TLE2: variants seen among roughly 807,000 people sequenced by gnomAD.
TLE2 encodes the protein transducin-like enhancer protein 2.
A neutral mutation model predicts 97.2 loss-of-function variants in TLE2; 74 were observed. The ratio of observed to expected loss-of-function variants is 0.76; its 90% CI spans 0.63 to 0.92. The LOEUF is 0.92. Ranked by LOEUF, TLE2 falls within the 40% of genes least tolerant of loss-of-function variation. TLE2 has a pLI of 0.00. For missense variants in TLE2, 1,038 were observed against 1,008.7 expected (o/e 1.03, Z -0.39); for synonymous variants, 499 against 432.1 (o/e 1.15, Z -1.92).
intron 13 of TLE2, 131 bp from the exon 14 acceptor site, chr19:3,009,076 G>T: frequency 1.6e-6 from 1 of 636,144 alleles, no homozygotes; most frequent in Non-Finnish European, 2.6e-6. Flanking sequence ...CCTTCTCTCT[G>T]CCTGTCACAC....
chr19:3,005,298 G>C (rs891648972), intron 17 of TLE2, 139 bp downstream of exon 17: 1 of 1,198,124 alleles, frequency 8.3e-7, no homozygotes, highest in Non-Finnish European at 1.1e-6. Context: ...GGATGTGTCT[G>C]GGGGACAAGA....
intron 7 of TLE2, among the ~76,000 whole-genome samples, chr19:3,018,313 T>TTTA (rs1191600593): frequency 1.3e-5 from 2 of 151,742 alleles, no homozygotes; most frequent in Non-Finnish European, 2.9e-5. Context: ...TATTTATTTA[T>TTTA]TTATTTATGA....
At chr19:3,040,993 A>ATATATATATATATATATATATG (rs2090096234) in intron 1 of TLE2, among the ~76,000 whole-genome samples, 1 of 17,014 alleles carries the variant, frequency 5.9e-5, no homozygotes. Flanking sequence ...GCTGCCATTT[A>ATATATATATATATATATATATG]TATATATATA....
At chr19:3,039,271 C>T (rs997577139) in intron 1 of TLE2, among the ~76,000 whole-genome samples, 3 of 151,514 alleles carry the variant, frequency 2.0e-5, no homozygotes, top group African/African-American at 7.3e-5. Flanking sequence ...CCCTCCCTTG[C>T]TCAAGAACCT....
chr19:3,005,772 C>G lies in TLE2; in HGVS notation c.1697G>C (p.Cys566Ser), dbSNP rs367600241. The change falls in exon 16 of 20, where the codon TGC (cysteine) becomes TCC (serine). Residue 566 changes from cysteine to serine, a missense_variant. Cys to Ser is a moderately radical substitution (Grantham distance 112). Transcript: ENST00000262953. ...CCAGACCACAATGTTGCCATCGCTG[C>G]AGCAGGAGAAGCAAACCTTGGCGTC... Reference protein sequence around the residue: ...SPDAKVCFSCCSDGNIVVWDL... With the variant: ...SPDAKVCFSCSSDGNIVVWDL... 6.8e-6 allele frequency: 11 copies of G among 1,613,850 alleles called. No individual in the cohort carries two copies. The African/African-American group carries it at 1.2e-4, about 18-fold the overall frequency.
intron 17 of TLE2, 134 bp from the exon 18 acceptor site, chr19:3,002,637 C>A: frequency 9.7e-7 from 1 of 1,036,028 alleles, no homozygotes; most frequent in Non-Finnish European, 1.4e-6. Flanking sequence ...CTCCAGGGCT[C>A]AAGAGATCCT....
intron 1 of TLE2, among the ~76,000 whole-genome samples, chr19:3,041,688 C>G (rs772372730): frequency 6.6e-6 from 1 of 152,228 alleles, no homozygotes; most frequent in Admixed American, 6.5e-5. Context: ...GTGAGCTCCA[C>G]GAGGGTCGAG....
At chr19:3,023,656 C>T (rs1275799615) in intron 5 of TLE2, among the ~76,000 whole-genome samples, 1 of 152,036 alleles carries the variant, frequency 6.6e-6, no homozygotes, top group African/African-American at 2.4e-5. Context: ...ACACTCGGAG[C>T]CTGACACGGG....
upstream of TLE2, chr19:3,047,610 A>G (rs1056264900): frequency 2.6e-5 from 4 of 152,002 alleles, no homozygotes; most frequent in African/African-American, 9.7e-5. Flanking sequence ...GCCCTTGCAG[A>G]AGTTCTAATT....
Position 3,019,464 on chromosome 19 carries a change from C to T in TLE2, c.370-1G>A. On this transcript the variant is annotated splice_acceptor_variant, in intron 6 of 19. Transcript: ENST00000262953. LOFTEE classifies it high-confidence loss of function. This position sits in a 1 kb window ranked among gnomAD's most constrained non-coding sequence, Gnocchi z 5.1. ...GGTGGGACAGCGGCTGGAGCTGCTG[C>T]TGCTAGAAAGGAGGCAGGATGGGCC... 6.6e-7 allele frequency: 1 copy of T among 1,512,348 alleles called. No homozygotes were observed. Among genetic ancestry groups the T allele is most frequent in the Non-Finnish European group, 8.8e-7 (1 of 1,134,832 alleles). 93.7% of individuals were successfully genotyped at this position (1,512,348 alleles called of 1,614,324 possible).
At position 3,019,706 on chromosome 19, in the gene TLE2, A is replaced by C; in HGVS notation, c.362T>G (p.Leu121Arg). The part of the protein sequence containing the change: ...KQVTVGELNS[L>R]IGQQLQPLSH... ...GGGGCTAGAGAGACTCACCCCGATG[A>C]GGCTGTTCAGCTCCCCCACGGTGAC... Residue 121 changes from leucine (L) to arginine (R), a missense_variant, in exon 6 of 20, where the codon CTC becomes CGC. Transcript: ENST00000262953. The surrounding 1 kb of genome is among the most constrained non-coding windows in gnomAD (Gnocchi z 5.1). 6.2e-7 allele frequency: 1 copy of C among 1,610,730 alleles called. No homozygotes were observed. Among genetic ancestry groups the C allele is most frequent in the Non-Finnish European group, 8.5e-7 (1 of 1,178,666 alleles).
At chr19:3,023,873 CAG>C (rs200902924) in intron 5 of TLE2, among the ~76,000 whole-genome samples, 4,386 of 148,250 alleles carry the variant, frequency 0.03, 185 homozygotes, top group African/African-American at 0.085. Flanking sequence ...GCCTGGGTAA[CAG>C]AGCAAGAATC....
intron 1 of TLE2, among the ~76,000 whole-genome samples, chr19:3,043,717 G>T (rs1448258855): frequency 6.6e-6 from 1 of 152,048 alleles, no homozygotes; most frequent in African/African-American, 2.4e-5. Flanking sequence ...GGCTGAGGCA[G>T]GAGAATGGCG....
chr19:3,020,888 C>A (rs1366358076), intron 5 of TLE2, among the ~76,000 whole-genome samples: 1 of 151,220 alleles, frequency 6.6e-6, no homozygotes, highest in African/African-American at 2.4e-5. Context: ...GAGTTCAAGA[C>A]CAGCCTGGCC....
chr19:3,023,908 AAAAGAAAAG>A (rs748984021), intron 5 of TLE2, among the ~76,000 whole-genome samples: 8,582 of 105,898 alleles, frequency 0.081, 282 homozygotes, highest in East Asian at 0.12. Context: ...ACACACACAC[AAAAGAAAAG>A]AAAAAGAAAA....
chr19:3,016,818 G>A (rs541645077), intron 8 of TLE2, among the ~76,000 whole-genome samples: 77 of 151,810 alleles, frequency 5.1e-4, no homozygotes, highest in Admixed American at 8.5e-4. Flanking sequence ...TCGCTCTGTC[G>A]CCCAAGCTGG....
rs745896685 is a variant in TLE2 at position 3,017,847 on chromosome 19, G to A, written c.563C>T (p.Pro188Leu). Residue 188 changes from proline (P) to leucine (L), a missense_variant, in exon 8 of 20, where the codon CCG (proline) becomes CTG (leucine). Transcript: ENST00000262953. ...AGGGTGCCACTCACTTACCCTGCTC[G>A]GGGCTCTCTCCACTGACAGATTGGG... The part of the protein sequence containing the change: ...EAEGSRVERA[P>L]SRSASPSPPE... 1.1e-5 allele frequency: 17 copies of A among 1,612,032 alleles called. No individual in the cohort carries two copies. The highest frequency in any genetic ancestry group is 1.6e-4 in the Middle Eastern group (1 of 6,080).
chr19:3,006,301 ATAAGCCCCGCCCTTCACCTG>A, intron 15 of TLE2, 99 bp downstream of exon 15: 20 of 1,450,512 alleles, frequency 1.4e-5, no homozygotes, highest in Non-Finnish European at 1.9e-5. Flanking sequence ...CCCCTCACCT[ATAAGCCCCGCCCTTCACCTG>A]TAGCCCCACC....
intron 14 of TLE2, among the ~76,000 whole-genome samples, chr19:3,008,008 G>C (rs1300767484): frequency 6.6e-6 from 1 of 152,196 alleles, no homozygotes; most frequent in Non-Finnish European, 1.5e-5. Flanking sequence ...CTTGAACCCA[G>C]GAGGTGGAGG....
Sources: allele counts gnomAD v4.1 joint callset (sites outside exome capture counted in the v4.1 genomes callset), GRCh38; gene constraint gnomAD v4.1.1; non-coding constraint Gnocchi (gnomAD v3.1); transcripts MANE v1.5; gene names NCBI Gene and HGNC (gene_info 2026-07-23, HGNC 2026-07-21).